The following SCAMP1 variants were observed in gnomAD, a reference collection of about 807,000 sequenced individuals.
SCAMP1 encodes the protein secretory carrier membrane protein 1, also known as secretory carrier-associated membrane protein 1.
In SCAMP1, 15 loss-of-function variants were observed where a neutral mutation model predicts 41.8. The ratio of observed to expected loss-of-function variants is 0.36; its 90% CI spans 0.24 to 0.55. SCAMP1 has a LOEUF of 0.55. Among genes scored for constraint, SCAMP1 ranks in the 20% least tolerant of loss-of-function variants. The probability of loss-of-function intolerance (pLI) is 0.86; values close to 1 mark genes in which losing one functional copy is unlikely to be tolerated. For missense variants in SCAMP1, 341 were observed against 412.6 expected (o/e 0.83, Z 1.50); for synonymous variants, 135 against 136.8 (o/e 0.99, Z 0.09).
chr5:78,437,962 A>G (rs932068732), intron 6 of SCAMP1, among the ~76,000 whole-genome samples: 2 of 152,152 alleles, frequency 1.3e-5, no homozygotes, highest in Non-Finnish European at 2.9e-5. Flanking sequence ...TGTATCCAGT[A>G]ATTTATCTGT....
At chr5:78,404,389 C>T (rs1223289147) in intron 2 of SCAMP1, among the ~76,000 whole-genome samples, 11 of 151,042 alleles carry the variant, frequency 7.3e-5, no homozygotes, top group Admixed American at 2.0e-4. Flanking sequence ...TCAAACAGTC[C>T]TCTTGCCTCA....
rs1419932701 is a variant in SCAMP1, at chr5:78,478,651, A to G, written c.*2983A>G. 1 of 152,160 alleles carries G rather than the reference A, an allele frequency of 6.6e-6. No homozygotes were observed. The highest frequency in any genetic ancestry group is 6.5e-5 in the Admixed American group (1 of 15,282). 9.4% of individuals were successfully genotyped at this position (152,160 alleles called of 1,614,324 possible). A position where few individuals can be genotyped will look rare whatever the true frequency, so the allele number is the denominator to read the frequency against. On this transcript the variant is annotated 3_prime_UTR_variant, in exon 9 of 9. Coordinates refer to ENST00000621999, the MANE Select transcript of SCAMP1 (RefSeq NM_004866.6). ...TCTGTACTAGTATTGTATTTATTCA[A>G]TTGAACTTGTATTCTGATTTCTATC...
rs1753088309 is a variant in SCAMP1, at chr5:78,447,801, TCTTCCTCCTC to T, written c.633-2130_633-2121del. Among the ~76,000 whole-genome samples, 22 of 148,710 alleles carry T rather than the reference TCTTCCTCCTC, an allele frequency of 1.5e-4. 2 individuals are homozygous for T. The highest frequency in any genetic ancestry group is 9.0e-5 in the Non-Finnish European group (6 of 66,726). On this transcript the variant is annotated intron_variant, in intron 6 of 8. Transcript: ENST00000621999. Reference sequence around the variant, plus strand: ...TTTTCAAAAGAAACTTTCTTCTTCTTCTTCCTCCTCCCTCCTCCCCCTCTCCCTCCCCTCC... The same window carrying T: ...TTTTCAAAAGAAACTTTCTTCTTCTTCCTCCTCCCCCTCTCCCTCCCCTCC...
intron 1 of SCAMP1, among the ~76,000 whole-genome samples, chr5:78,381,943 CAGAGGAA>C (rs1751214762): frequency 6.6e-6 from 1 of 151,946 alleles, no homozygotes; most frequent in Admixed American, 6.6e-5. Flanking sequence ...GGATAAAGGA[CAGAGGAA>C]AGAGGTTGGA....
At chr5:78,408,629 C>G (rs1228484210) in intron 2 of SCAMP1, among the ~76,000 whole-genome samples, 1 of 152,098 alleles carries the variant, frequency 6.6e-6, no homozygotes, top group Non-Finnish European at 1.5e-5. Context: ...GAGACAGGAT[C>G]TTGCTCTGTT....
At chr5:78,434,482 G>A (rs974399257) in intron 6 of SCAMP1, among the ~76,000 whole-genome samples, 1 of 151,988 alleles carries the variant, frequency 6.6e-6, no homozygotes, top group African/African-American at 2.4e-5. Flanking sequence ...TTCCTTCTTA[G>A]ACACAGATAC....
intron 1 of SCAMP1, among the ~76,000 whole-genome samples, chr5:78,387,482 T>C (rs1751373339): frequency 6.6e-6 from 1 of 152,164 alleles, no homozygotes; most frequent in South Asian, 2.1e-4. Flanking sequence ...TTTGTCTTGG[T>C]TTGGATCCAT....
At chr5:78,468,599 A>G (rs2112248688) in intron 8 of SCAMP1, among the ~76,000 whole-genome samples, 1 of 152,302 alleles carries the variant, frequency 6.6e-6, no homozygotes, top group East Asian at 1.9e-4. Context: ...AAATTTGTTC[A>G]TAGACTGTCA....
At chr5:78,362,703 CT>C (rs1213913057) in intron 1 of SCAMP1, among the ~76,000 whole-genome samples, 2 of 151,996 alleles carry the variant, frequency 1.3e-5, no homozygotes, top group Non-Finnish European at 2.9e-5. Context: ...GTATCTGACC[CT>C]TTATTTTTCC....
chr5:78,424,949 A>G (rs1416535377), intron 6 of SCAMP1, among the ~76,000 whole-genome samples: 1 of 152,238 alleles, frequency 6.6e-6, no homozygotes, highest in African/African-American at 2.4e-5. Context: ...GGTTCTGAGC[A>G]CATGCAGTAA....
At chr5:78,392,822 GATTATTTTCCAA>G in intron 2 of SCAMP1, among the ~76,000 whole-genome samples, 1 of 152,144 alleles carries the variant, frequency 6.6e-6, no homozygotes, top group Non-Finnish European at 1.5e-5. Context: ...TTGTGGCTGT[GATTATTTTCCAA>G]AGAGATTAGG....
intron 6 of SCAMP1, among the ~76,000 whole-genome samples, chr5:78,443,541 G>A (rs981127983): frequency 2.6e-5 from 4 of 151,674 alleles, no homozygotes; most frequent in Non-Finnish European, 4.4e-5. Context: ...TGTAATGTGA[G>A]CTTTTTCATT....
chr5:78,408,687 C>T (rs1751993523), intron 2 of SCAMP1, among the ~76,000 whole-genome samples: 1 of 152,118 alleles, frequency 6.6e-6, no homozygotes, highest in Non-Finnish European at 1.5e-5. Flanking sequence ...TACAACCTGC[C>T]TCCTGGGCTC....
chr5:78,441,589 G>A (rs541876836), intron 6 of SCAMP1, among the ~76,000 whole-genome samples: 50 of 152,306 alleles, frequency 3.3e-4, no homozygotes, highest in African/African-American at 9.6e-4. Flanking sequence ...CGAGGCAGGC[G>A]GATTACCTGA....
intron 1 of SCAMP1, among the ~76,000 whole-genome samples, chr5:78,373,957 A>G (rs1751006150): frequency 6.6e-6 from 1 of 152,166 alleles, no homozygotes; most frequent in Non-Finnish European, 1.5e-5. Flanking sequence ...AAAATTTTAT[A>G]TAATTACTGT....
At chr5:78,395,331 T>G (rs1464579324) in intron 2 of SCAMP1, among the ~76,000 whole-genome samples, 1 of 152,242 alleles carries the variant, frequency 6.6e-6, no homozygotes, top group Non-Finnish European at 1.5e-5. Context: ...CTATTGAGAC[T>G]GACTCCCCAT....
intron 1 of SCAMP1, among the ~76,000 whole-genome samples, chr5:78,379,732 C>T (rs1343103899): frequency 6.6e-6 from 1 of 152,194 alleles, no homozygotes; most frequent in Non-Finnish European, 1.5e-5. Flanking sequence ...AATTTTAGCA[C>T]ACTCAAGATA....
At chr5:78,422,427 G>GT (rs1347552330) in intron 6 of SCAMP1, among the ~76,000 whole-genome samples, 1 of 151,706 alleles carries the variant, frequency 6.6e-6, no homozygotes, top group African/African-American at 2.4e-5. Flanking sequence ...TCCATTTTAG[G>GT]TTTTTTCAAA....
chr5:78,475,708 T>G lies in SCAMP1; in HGVS notation c.*40T>G. 4 of 1,377,514 alleles carry G rather than the reference T, an allele frequency of 2.9e-6. No individual in the cohort carries two copies. Among genetic ancestry groups the G allele is most frequent in the Non-Finnish European group, 3.8e-6 (4 of 1,041,144 alleles). 85.3% of individuals were successfully genotyped at this position (1,377,514 alleles called of 1,614,324 possible). The stretch of plus-strand genomic sequence containing the variant: ...TACACTGTTACCTTTTGACTGTACC[T>G]TTTTCTCCAGTTACTGTATTCTACA... On this transcript the variant is annotated 3_prime_UTR_variant, in exon 9 of 9. Transcript: ENST00000621999.
Sources: allele counts gnomAD v4.1 joint callset (sites outside exome capture counted in the v4.1 genomes callset), GRCh38; gene constraint gnomAD v4.1.1; transcripts MANE v1.5; gene names NCBI Gene and HGNC (gene_info 2026-07-23, HGNC 2026-07-21).